ANKRD55: variants seen among roughly 807,000 people sequenced by gnomAD.
ANKRD55 encodes the protein ankyrin repeat domain 55.
In ANKRD55, 41 loss-of-function variants were observed where a neutral mutation model predicts 60.6. That is an observed-to-expected ratio of 0.68 (90% CI 0.53 to 0.88). The LOEUF (loss-of-function observed/expected upper bound fraction) is 0.88. Among genes scored for constraint, ANKRD55 ranks in the 40% least tolerant of loss-of-function variants. ANKRD55 has a pLI of 0.00. For missense variants in ANKRD55, 732 were observed against 767.6 expected (o/e 0.95, Z 0.55); for synonymous variants, 264 against 290.3 (o/e 0.91, Z 0.92).
At chr5:56,175,952 A>G (rs1186574200) in intron 4 of ANKRD55, among the ~76,000 whole-genome samples, 200 bp downstream of exon 4, 1 of 152,210 alleles carries the variant, frequency 6.6e-6, no homozygotes. Flanking sequence ...GATTGTTAGG[A>G]AGATCCAAAA....
intron 5 of ANKRD55, among the ~76,000 whole-genome samples, chr5:56,169,785 T>C (rs1758565709): frequency 6.6e-6 from 1 of 152,176 alleles, no homozygotes; most frequent in African/African-American, 2.4e-5. Flanking sequence ...AATATACTCC[T>C]TGTGCTGCTG....
At chr5:56,210,585 A>AG (rs1491314986) in intron 2 of ANKRD55, among the ~76,000 whole-genome samples, 77 of 145,516 alleles carry the variant, frequency 5.3e-4, no homozygotes, top group African/African-American at 1.9e-3. Flanking sequence ...AAAAAAAAAA[A>AG]GAAAGTGCTT....
intron 5 of ANKRD55, among the ~76,000 whole-genome samples, chr5:56,162,448 T>C (rs1396902175): frequency 2.6e-5 from 4 of 152,196 alleles, no homozygotes; most frequent in Non-Finnish European, 4.4e-5. Context: ...GCTCCCTTTC[T>C]GGCAATAATT....
Position 56,111,751 on chromosome 5 carries a change from T to A in ANKRD55, c.997A>T (p.Ser333Cys). The A allele has an allele frequency of 6.6e-7, 1 of 1,513,970 alleles. No individual in the cohort carries two copies. Among genetic ancestry groups the A allele is most frequent in the Non-Finnish European group, 8.8e-7 (1 of 1,135,714 alleles). The allele number at this position is 1,513,970 out of a possible 1,614,324, so 93.8% of individuals were successfully genotyped here. A position where few individuals can be genotyped will look rare whatever the true frequency, so the allele number is the denominator to read the frequency against. ...CTCTCCTTCTTCTGGGGCCGACTGCTCTGGGAGGGAGGGGGTCGAGTAGGC... is the reference window on the plus strand; with the variant it reads ...CTCTCCTTCTTCTGGGGCCGACTGCACTGGGAGGGAGGGGGTCGAGTAGGC... ...TEPTRPPPSQ[S>C]SRPQKKERRF... Residue 333 changes from serine (S) to cysteine (C), a missense_variant, in exon 10 of 12, where the codon AGC becomes TGC. By Grantham distance (112) the Ser-to-Cys change is moderately radical. Transcript: ENST00000341048.
chr5:56,169,703 T>G (rs1386095894), intron 5 of ANKRD55, among the ~76,000 whole-genome samples: 2 of 152,220 alleles, frequency 1.3e-5, no homozygotes, highest in African/African-American at 4.8e-5. Context: ...GATTATGGCC[T>G]TGGGCTCCTC....
chr5:56,217,671 T>G (rs112909190), intron 2 of ANKRD55, among the ~76,000 whole-genome samples: 14,952 of 152,112 alleles, frequency 0.098, 1,301 homozygotes, highest in African/African-American at 0.24. Context: ...AAGGCGGGTG[T>G]ATCATGAAGT....
chr5:56,103,724 CA>C (rs1756361535), intron 10 of ANKRD55, among the ~76,000 whole-genome samples: 1 of 151,900 alleles, frequency 6.6e-6, no homozygotes, highest in Non-Finnish European at 1.5e-5. Flanking sequence ...AAGACCTTAA[CA>C]AAAAAAGATT....
chr5:56,155,081 A>T (rs1055004045), intron 6 of ANKRD55, among the ~76,000 whole-genome samples: 2 of 151,972 alleles, frequency 1.3e-5, no homozygotes, highest in Admixed American at 6.5e-5. Context: ...AAAAACAAAA[A>T]ATGAGCTGGG....
chr5:56,179,789 G>C (rs1055052609), intron 3 of ANKRD55, among the ~76,000 whole-genome samples: 1 of 152,242 alleles, frequency 6.6e-6, no homozygotes, highest in Admixed American at 6.5e-5. Flanking sequence ...TCATTGTCTT[G>C]TCCTGGGTGG....
intron 6 of ANKRD55, chr5:56,146,669 T>C (rs1757908260): frequency 6.6e-6 from 1 of 152,208 alleles, no homozygotes; most frequent in Non-Finnish European, 1.5e-5. Flanking sequence ...ACAATGAACT[T>C]GTCTGATATG....
intron 2 of ANKRD55, among the ~76,000 whole-genome samples, chr5:56,185,654 G>A (rs946910702): frequency 6.6e-6 from 1 of 151,004 alleles, no homozygotes; most frequent in Non-Finnish European, 1.5e-5. Flanking sequence ...GGCAACAAGA[G>A]TGAAACTCCA....
chr5:56,170,585 A>AAG, intron 5 of ANKRD55, 109 bp downstream of exon 5: 1 of 740,688 alleles, frequency 1.4e-6, no homozygotes. Context: ...AAAAAAAAAG[A>AAG]TGGTTTTCTT....
chr5:56,141,815 A>G (rs537778413), intron 7 of ANKRD55, among the ~76,000 whole-genome samples: 11 of 152,320 alleles, frequency 7.2e-5, no homozygotes, highest in African/African-American at 2.4e-4. Flanking sequence ...CCTAATAAAA[A>G]TGACCATTTC....
In ANKRD55 at chr5:56,220,814, A is replaced by AAAAACAAAACAAAAC. The variant is rs569150047; in HGVS notation, c.58+12027_58+12041dup. On this transcript the variant is annotated intron_variant, in intron 2 of 11. Transcript: ENST00000341048. Reference sequence around the variant, plus strand: ...GGTGACAGAGTGAGACTCCATCTCAAAAAACAAAACAAAACAAAACAAAAA... The same window carrying AAAAACAAAACAAAAC: ...GGTGACAGAGTGAGACTCCATCTCAAAAAACAAAACAAAACAAAACAAAACAAAACAAAACAAAAA... Among the ~76,000 whole-genome samples the AAAAACAAAACAAAAC allele has an allele frequency of 8.9e-4, 135 of 152,262 alleles. 3 individuals are homozygous for AAAAACAAAACAAAAC. The Middle Eastern group carries it at 0.027, about 31-fold the overall frequency.
chr5:56,175,840 T>C (rs1360654725), intron 4 of ANKRD55, among the ~76,000 whole-genome samples: 1 of 152,164 alleles, frequency 6.6e-6, no homozygotes, highest in Non-Finnish European at 1.5e-5. Context: ...AGATTGTTTT[T>C]AGAAGCACCA....
chr5:56,220,754 A>G (rs1423273433), intron 2 of ANKRD55, among the ~76,000 whole-genome samples: 1 of 152,226 alleles, frequency 6.6e-6, no homozygotes, highest in African/African-American at 2.4e-5. Context: ...CAGAGGTTGC[A>G]GTGAGCCAAG....
intron 2 of ANKRD55, among the ~76,000 whole-genome samples, chr5:56,197,071 GT>G (rs1759244390): frequency 6.6e-6 from 1 of 152,128 alleles, no homozygotes; most frequent in Non-Finnish European, 1.5e-5. Flanking sequence ...CATGATTTTG[GT>G]GCAAATAGTG....
intron 2 of ANKRD55, among the ~76,000 whole-genome samples, chr5:56,218,205 A>G (rs1175156005): frequency 2.6e-5 from 4 of 152,220 alleles, no homozygotes; most frequent in Non-Finnish European, 4.4e-5. Context: ...ATGACAACAA[A>G]GGATTTAGAA....
intron 6 of ANKRD55, chr5:56,146,948 A>T (rs2111766970): frequency 6.6e-6 from 1 of 152,342 alleles, no homozygotes; most frequent in East Asian, 1.9e-4. Context: ...GAATTAAACA[A>T]TGGTAATGCA....
Sources: allele counts gnomAD v4.1 joint callset (sites outside exome capture counted in the v4.1 genomes callset), GRCh38; gene constraint gnomAD v4.1.1; transcripts MANE v1.5; gene names NCBI Gene and HGNC (gene_info 2026-07-23, HGNC 2026-07-21).